The following ROR2 variants were observed in gnomAD, a reference collection of about 807,000 sequenced individuals.
ROR2 encodes tyrosine-protein kinase transmembrane receptor ROR2.
ROR2 carries 33 observed loss-of-function variants against 74.9 expected under a neutral mutation model. The ratio of observed to expected loss-of-function variants is 0.44; its 90% confidence interval spans 0.33 to 0.59. The LOEUF is 0.59. Ranked by LOEUF, ROR2 falls within the 20% of genes least tolerant of loss-of-function variation. ROR2 has a pLI of 0.02. For missense variants in ROR2, 1,216 were observed against 1,313.8 expected (o/e 0.93, Z 1.15); for synonymous variants, 586 against 558.7 (o/e 1.05, Z -0.69).
chr9:91,872,411 A>G (rs912230089), intron 1 of ROR2, among the ~76,000 whole-genome samples: 6 of 152,198 alleles, frequency 3.9e-5, no homozygotes, highest in Non-Finnish European at 7.3e-5. Context: ...AAGATTTCCA[A>G]TACATCCAAT....
chr9:91,852,524 G>A (rs1055186582), intron 1 of ROR2, among the ~76,000 whole-genome samples: 1 of 152,070 alleles, frequency 6.6e-6, no homozygotes, highest in African/African-American at 2.4e-5. Context: ...CCTGAAAGAG[G>A]TGCGGAGGGC....
At chr9:91,899,917 C>T (rs143206253) in intron 1 of ROR2, among the ~76,000 whole-genome samples, 15 of 152,266 alleles carry the variant, frequency 9.9e-5, no homozygotes, top group Admixed American at 5.2e-4. Flanking sequence ...TCTGCACACT[C>T]GAACACATAC....
intron 1 of ROR2, among the ~76,000 whole-genome samples, chr9:91,857,630 C>A (rs766223802): frequency 8.5e-5 from 13 of 152,110 alleles, no homozygotes; most frequent in Non-Finnish European, 1.9e-4. Context: ...AGGCAGGACC[C>A]AGGACGAGGG....
At chr9:91,877,655 C>T (rs1282912637) in intron 1 of ROR2, among the ~76,000 whole-genome samples, 1 of 152,234 alleles carries the variant, frequency 6.6e-6, no homozygotes, top group East Asian at 1.9e-4. Flanking sequence ...AGAACCATCA[C>T]CAATGACTTT....
At chr9:91,877,121 A>C (rs1829980257) in intron 1 of ROR2, among the ~76,000 whole-genome samples, 2 of 152,228 alleles carry the variant, frequency 1.3e-5, no homozygotes, top group Admixed American at 1.3e-4. Flanking sequence ...CTGTGGGGTG[A>C]CATTCCAAAG....
At chr9:91,900,231 C>G (rs887189037) in intron 1 of ROR2, among the ~76,000 whole-genome samples, 3 of 152,166 alleles carry the variant, frequency 2.0e-5, no homozygotes, top group African/African-American at 7.2e-5. Flanking sequence ...GGGGGCAGGG[C>G]CCCAGCAGCC....
intron 2 of ROR2, among the ~76,000 whole-genome samples, chr9:91,761,991 A>G (rs1564258593): frequency 6.6e-6 from 1 of 152,202 alleles, no homozygotes; most frequent in Non-Finnish European, 1.5e-5. Context: ...CAGCTGCATC[A>G]CCGGATTAAA....
intron 1 of ROR2, among the ~76,000 whole-genome samples, chr9:91,790,338 TG>T (rs1352657709): frequency 6.8e-6 from 1 of 147,756 alleles, no homozygotes; most frequent in Non-Finnish European, 1.5e-5. Flanking sequence ...CCATCTCTAC[TG>T]AAAAAAAAAA....
At chr9:91,727,999 G>C (rs1837102998) in intron 7 of ROR2, among the ~76,000 whole-genome samples, 2 of 152,210 alleles carry the variant, frequency 1.3e-5, no homozygotes, top group South Asian at 2.1e-4. Context: ...AGGTGTTCCA[G>C]AAATCTTCGG....
chr9:91,771,146 A>C (rs1826213697), intron 2 of ROR2, among the ~76,000 whole-genome samples: 1 of 152,212 alleles, frequency 6.6e-6, no homozygotes, highest in East Asian at 1.9e-4. Context: ...ACACAACCTC[A>C]TATGGGCAAA....
chr9:91,786,994 C>A (rs1826824049), intron 1 of ROR2, among the ~76,000 whole-genome samples: 1 of 152,184 alleles, frequency 6.6e-6, no homozygotes, highest in African/African-American at 2.4e-5. Flanking sequence ...TCACTCCTCT[C>A]TGGGTGACAA....
intron 4 of ROR2, among the ~76,000 whole-genome samples, chr9:91,754,486 G>A (rs7047937): frequency 0.6 from 91,614 of 151,502 alleles, 27,959 homozygotes; most frequent in African/African-American, 0.68. Context: ...GTGAAACCCC[G>A]TCTCTACTAA....
chr9:91,733,314 G>A lies in ROR2; in HGVS notation c.745C>T (p.Arg249Cys), dbSNP rs1435366469. The change falls in exon 6 of 9, where the codon CGT becomes TGT. Residue 249 changes from arginine (R) to cysteine (C), a missense_variant. By Grantham distance (180) the Arg-to-Cys change is radical. Transcript: ENST00000375708. The surrounding 1 kb of genome is among the most constrained non-coding windows in gnomAD (Gnocchi z 5.7). ...CDARSRTPKPRELCRDECEVL... is the reference protein window; with the variant it reads ...CDARSRTPKPCELCRDECEVL... ...TCGCACTCGTCGCGGCACAGCTCACGCGGCTTGGGTGTCCGGGAGCGCGCG... is the reference window on the plus strand; with the variant it reads ...TCGCACTCGTCGCGGCACAGCTCACACGGCTTGGGTGTCCGGGAGCGCGCG... The A allele has an allele frequency of 5.0e-6, 8 of 1,612,682 alleles. No homozygotes were observed. The highest frequency in any genetic ancestry group is 4.0e-5 in the African/African-American group (3 of 74,934).
chr9:91,942,749 T>C (rs1831908749), intron 1 of ROR2, among the ~76,000 whole-genome samples: 2 of 152,282 alleles, frequency 1.3e-5, no homozygotes, highest in East Asian at 1.9e-4. Flanking sequence ...TAAAAGGTCA[T>C]GTGAAAATGG....
intron 1 of ROR2, among the ~76,000 whole-genome samples, chr9:91,839,247 C>CGGG (rs11420421): frequency 3.1e-5 from 3 of 97,918 alleles, no homozygotes; most frequent in African/African-American, 5.5e-5. Context: ...GCTGTCAGAT[C>CGGG]GGGGGTGTGT....
At chr9:91,907,334 T>G (rs554366983) in intron 1 of ROR2, among the ~76,000 whole-genome samples, 2 of 152,206 alleles carry the variant, frequency 1.3e-5, no homozygotes, top group African/African-American at 4.8e-5. Context: ...CACATGGGAA[T>G]GTCCTTCCCA....
intron 3 of ROR2, 130 bp downstream of exon 3, chr9:91,757,142 G>A: frequency 8.3e-7 from 1 of 1,197,644 alleles, no homozygotes; most frequent in Non-Finnish European, 1.2e-6. Flanking sequence ...AAGGCCCTAG[G>A]GAACGGTTTC....
chr9:91,723,880 C>A lies in ROR2; in HGVS notation c.2614G>T (p.Gly872Cys), dbSNP rs1836889273. Residue 872 changes from glycine to cysteine, a missense_variant, in exon 9 of 9, where the codon GGC becomes TGC. Transcript: ENST00000375708. Reference protein sequence around the residue: ...HHSGSGSTSTGYVTTAPSNTS... With the variant: ...HHSGSGSTSTCYVTTAPSNTS... ...TTGGAGGGGGCCGTGGTGACGTAGC[C>A]TGTGCTGGTGGAGCCACTGCCACTG... 1 of 1,613,930 alleles carries A rather than the reference C, an allele frequency of 6.2e-7. No homozygotes were observed. Among genetic ancestry groups the A allele is most frequent in the Non-Finnish European group, 8.5e-7 (1 of 1,180,038 alleles).
At chr9:91,881,091 G>T (rs1000293619) in intron 1 of ROR2, among the ~76,000 whole-genome samples, 9 of 152,146 alleles carry the variant, frequency 5.9e-5, no homozygotes, top group African/African-American at 2.2e-4. Flanking sequence ...GGGGGAGAAG[G>T]AACTTCCATA....
Sources: gnomAD v4.1 joint callset for allele counts (sites outside exome capture counted in the v4.1 genomes callset) on GRCh38, gnomAD v4.1.1 for gene constraint, Gnocchi (gnomAD v3.1) non-coding constraint, MANE v1.5 for transcripts, NCBI Gene and HGNC (gene_info 2026-07-23, HGNC 2026-07-21) for gene names.